The following ZDHHC14 variants were observed in gnomAD, a reference collection of about 807,000 sequenced individuals.
The protein encoded by ZDHHC14 is zDHHC palmitoyltransferase 14.
In ZDHHC14, 16 loss-of-function variants were observed where a neutral mutation model predicts 47.7. The ratio of observed to expected loss-of-function variants is 0.34; its 90% CI spans 0.23 to 0.51. The LOEUF (loss-of-function observed/expected upper bound fraction) is 0.51. ZDHHC14 is among the 20% of genes least tolerant of loss of function. The pLI is 0.97. For missense variants in ZDHHC14, 515 were observed against 662.5 expected (o/e 0.78, Z 2.44); for synonymous variants, 293 against 278.9 (o/e 1.05, Z -0.50).
intron 1 of ZDHHC14, among the ~76,000 whole-genome samples, chr6:157,485,133 T>C (rs919065346): frequency 6.6e-6 from 1 of 150,922 alleles, no homozygotes; most frequent in Non-Finnish European, 1.5e-5. Context: ...AAAATAAAAT[T>C]AGGTAGATGT....
intron 1 of ZDHHC14, among the ~76,000 whole-genome samples, chr6:157,453,968 G>T (rs932412070): frequency 1.2e-4 from 18 of 152,136 alleles, no homozygotes; most frequent in African/African-American, 3.4e-4. Context: ...AAGCCTTTAG[G>T]TGTGGGGTGT....
intron 1 of ZDHHC14, among the ~76,000 whole-genome samples, chr6:157,444,737 C>T (rs1420343962): frequency 6.6e-6 from 1 of 151,948 alleles, no homozygotes; most frequent in Non-Finnish European, 1.5e-5. Flanking sequence ...AACACTTTTC[C>T]CACCTCAGTT....
At chr6:157,404,194 T>C (rs1437332687) in intron 1 of ZDHHC14, among the ~76,000 whole-genome samples, 1 of 152,172 alleles carries the variant, frequency 6.6e-6, no homozygotes, top group Non-Finnish European at 1.5e-5. Context: ...TGGAGTGCAG[T>C]GGTGTGATCT....
chr6:157,624,886 A>G (rs1785340310), intron 3 of ZDHHC14, among the ~76,000 whole-genome samples: 1 of 152,206 alleles, frequency 6.6e-6, no homozygotes, highest in Non-Finnish European at 1.5e-5. Context: ...TATAAAGAGC[A>G]GAGATTTAGT....
In ZDHHC14 at chr6:157,586,638, A is replaced by C. The variant is rs1435626931; in HGVS notation, c.407-6350A>C. 1.3e-5 allele frequency among the ~76,000 whole-genome samples: 2 copies of C among 152,188 alleles called. No homozygotes were observed. Among genetic ancestry groups the C allele is most frequent in the Non-Finnish European group, 2.9e-5 (2 of 68,028 alleles). On this transcript the variant is annotated intron_variant, in intron 2 of 8. Transcript: ENST00000359775. The surrounding 1 kb of genome is among the most constrained non-coding windows in gnomAD (Gnocchi z 4.6). ...GACGGGCTCAAGACTTGCTGTGCTC[A>C]TCAGACAGCCCAGCAGAGCCCTCCC... is the stretch of plus-strand genomic sequence containing the variant.
At chr6:157,599,602 A>C (rs937469805) in intron 3 of ZDHHC14, among the ~76,000 whole-genome samples, 3 of 152,264 alleles carry the variant, frequency 2.0e-5, no homozygotes, top group Non-Finnish European at 2.9e-5. Flanking sequence ...GTGGATGGCC[A>C]ATGAAATAAA....
chr6:157,549,340 A>T (rs182702713), intron 2 of ZDHHC14, among the ~76,000 whole-genome samples: 1 of 152,302 alleles, frequency 6.6e-6, no homozygotes, highest in East Asian at 1.9e-4. Flanking sequence ...GAATTTCCAG[A>T]CAATCTAACT....
At chr6:157,421,492 C>CAAA (rs147380621) in intron 1 of ZDHHC14, among the ~76,000 whole-genome samples, 3 of 56,712 alleles carry the variant, frequency 5.3e-5, no homozygotes, top group Admixed American at 2.8e-4. Flanking sequence ...GACTCCGTCT[C>CAAA]AAAAAAAAAA....
intron 1 of ZDHHC14, among the ~76,000 whole-genome samples, chr6:157,464,162 T>G (rs2114817673): frequency 6.6e-6 from 1 of 152,376 alleles, no homozygotes; most frequent in Non-Finnish European, 1.5e-5. Flanking sequence ...TACATGTATA[T>G]GTTGAAAATC....
chr6:157,412,875 A>C (rs1289632346), intron 1 of ZDHHC14, among the ~76,000 whole-genome samples: 2 of 152,234 alleles, frequency 1.3e-5, no homozygotes, highest in Non-Finnish European at 2.9e-5. Context: ...AATCAGGTCC[A>C]TGAGAAAGAA....
rs550162163 is a variant in ZDHHC14, at chr6:157,586,738, T to C, written c.407-6250T>C. ...AAATCCTTCATAAATATTGGTTGAC[T>C]TTTTTCATGGCATCGCTGGGCCCTG... On this transcript the variant is annotated intron_variant, in intron 2 of 8. Coordinates refer to ENST00000359775, the MANE Select transcript of ZDHHC14 (RefSeq NM_024630.3). The surrounding 1 kb of genome is among the most constrained non-coding windows in gnomAD (Gnocchi z 4.6). Among the ~76,000 whole-genome samples, 1 of 152,332 alleles carries C rather than the reference T, an allele frequency of 6.6e-6. No homozygotes were observed. Among genetic ancestry groups the C allele is most frequent in the Admixed American group, 6.5e-5 (1 of 15,310 alleles).
chr6:157,626,422 G>T (rs1307365023), intron 3 of ZDHHC14, among the ~76,000 whole-genome samples: 3 of 152,126 alleles, frequency 2.0e-5, no homozygotes, highest in Non-Finnish European at 4.4e-5. Flanking sequence ...TGTGCACGTT[G>T]ACACATAGAT....
intron 1 of ZDHHC14, among the ~76,000 whole-genome samples, chr6:157,432,752 G>A (rs541429184): frequency 9.2e-5 from 14 of 152,250 alleles, no homozygotes; most frequent in East Asian, 3.9e-4. Context: ...TTCATGCCCC[G>A]TAAACCACTG....
intron 2 of ZDHHC14, among the ~76,000 whole-genome samples, chr6:157,565,808 A>G (rs555751222): frequency 1.8e-4 from 28 of 151,844 alleles, no homozygotes; most frequent in African/African-American, 6.3e-4. Flanking sequence ...CGTCTCCAAA[A>G]AAAAAAAAAA....
chr6:157,396,858 TAAAG>T (rs1241146665), intron 1 of ZDHHC14, among the ~76,000 whole-genome samples: 1 of 152,206 alleles, frequency 6.6e-6, no homozygotes, highest in Non-Finnish European at 1.5e-5. Context: ...TAGAAAAAAA[TAAAG>T]ATAGGAAGTA....
chr6:157,605,605 G>A (rs551901904), intron 3 of ZDHHC14, among the ~76,000 whole-genome samples: 5 of 152,294 alleles, frequency 3.3e-5, no homozygotes, highest in Middle Eastern at 3.4e-3. Flanking sequence ...AGCCTCCCAG[G>A]CCCTGTGTGA....
intron 2 of ZDHHC14, among the ~76,000 whole-genome samples, chr6:157,546,140 C>T (rs1781964407): frequency 6.6e-6 from 1 of 152,210 alleles, no homozygotes; most frequent in Non-Finnish European, 1.5e-5. Flanking sequence ...CTCCTCCAGG[C>T]TGAGGAAGGG....
intron 1 of ZDHHC14, among the ~76,000 whole-genome samples, chr6:157,461,096 A>G (rs1040769178): frequency 1.3e-5 from 2 of 152,176 alleles, no homozygotes; most frequent in African/African-American, 4.8e-5. Flanking sequence ...CTCTGATGTC[A>G]TTGCTGTGGA....
chr6:157,430,305 A>G (rs1778312100), intron 1 of ZDHHC14, among the ~76,000 whole-genome samples: 1 of 132,768 alleles, frequency 7.5e-6, no homozygotes, highest in Admixed American at 7.2e-5. Flanking sequence ...ACAAAGCAAG[A>G]CTGTGTAAAA....
Sources: gnomAD v4.1 joint callset for allele counts (sites outside exome capture counted in the v4.1 genomes callset) on GRCh38, gnomAD v4.1.1 for gene constraint, Gnocchi (gnomAD v3.1) non-coding constraint, MANE v1.5 for transcripts, NCBI Gene and HGNC (gene_info 2026-07-23, HGNC 2026-07-21) for gene names.